Variants in CACHD1 observed in about 807,000 individuals in gnomAD.
CACHD1 encodes the protein cache domain containing 1, also known as VWFA and cache domain-containing protein 1.
CACHD1 carries 71 observed loss-of-function variants against 138.7 expected under a neutral mutation model. The observed-to-expected ratio is 0.51, with a 90% CI of 0.42 to 0.62. The LOEUF (loss-of-function observed/expected upper bound fraction) is 0.62. Among genes scored for constraint, CACHD1 ranks in the 20% least tolerant of loss-of-function variants. CACHD1 has a pLI of 0.00. For missense variants in CACHD1, 1,389 were observed against 1,625.3 expected (o/e 0.85, Z 2.50); for synonymous variants, 578 against 591.5 (o/e 0.98, Z 0.33).
intron 25 of CACHD1, 134 bp downstream of exon 25, chr1:64,681,469 T>C: frequency 1.7e-6 from 1 of 596,752 alleles, no homozygotes; most frequent in Non-Finnish European, 2.9e-6. Flanking sequence ...TTTTTAGTTG[T>C]TTTTTTCCAT....
At chr1:64,486,935 G>A (rs543306466) in intron 1 of CACHD1, among the ~76,000 whole-genome samples, 1 of 152,182 alleles carries the variant, frequency 6.6e-6, no homozygotes, top group African/African-American at 2.4e-5. Context: ...CTTCTTGGGG[G>A]TGCTGATATT....
chr1:64,641,740 C>G (rs1328940800), intron 7 of CACHD1, 80 bp from the exon 8 acceptor site: 32 of 1,159,450 alleles, frequency 2.8e-5, no homozygotes, highest in Non-Finnish European at 3.7e-5. Context: ...TGGGGAAGTC[C>G]AAGGACATGA....
chr1:64,491,380 G>T (rs2100298008), intron 1 of CACHD1, among the ~76,000 whole-genome samples: 1 of 152,042 alleles, frequency 6.6e-6, no homozygotes, highest in East Asian at 1.9e-4. Flanking sequence ...TCACAGTTCT[G>T]CATGGCTGGG....
chr1:64,688,678 C>A (rs1369832159), intron 26 of CACHD1, among the ~76,000 whole-genome samples: 7 of 152,064 alleles, frequency 4.6e-5, no homozygotes, highest in African/African-American at 1.4e-4. Context: ...CTGACCACTC[C>A]CACTGTCCAC....
intron 1 of CACHD1, among the ~76,000 whole-genome samples, chr1:64,512,937 A>G (rs1055129962): frequency 3.3e-5 from 5 of 152,162 alleles, no homozygotes; most frequent in Non-Finnish European, 5.9e-5. Context: ...GGATATTTTC[A>G]CACAAGTTCA....
chr1:64,535,081 T>C lies in CACHD1; in HGVS notation c.199-15513T>C, dbSNP rs1646620859. Among the ~76,000 whole-genome samples the C allele has an allele frequency of 2.0e-5, 3 of 152,322 alleles. No individual in the cohort carries two copies. The South Asian group carries it at 6.2e-4, about 32-fold the overall frequency. ...AAGTGCCCGTTCCTTCTTCTCTTTCTCCTGTCCTCTCAGGAAGCCCACTAA... is the reference window on the plus strand; with the variant it reads ...AAGTGCCCGTTCCTTCTTCTCTTTCCCCTGTCCTCTCAGGAAGCCCACTAA... On this transcript the variant is annotated intron_variant, in intron 1 of 26. Transcript: ENST00000651257.
intron 1 of CACHD1, among the ~76,000 whole-genome samples, chr1:64,546,682 T>G (rs533839249): frequency 4.6e-5 from 7 of 152,264 alleles, no homozygotes; most frequent in African/African-American, 1.7e-4. Flanking sequence ...CATTTCCATT[T>G]TCCAAGTCCT....
intron 4 of CACHD1, among the ~76,000 whole-genome samples, chr1:64,627,782 A>G (rs1164522199): frequency 2.0e-5 from 3 of 152,174 alleles, no homozygotes; most frequent in African/African-American, 4.8e-5. Context: ...CTTACCACCT[A>G]CTAGCTGTGG....
At chr1:64,630,490 G>A (rs547607078) in intron 5 of CACHD1, among the ~76,000 whole-genome samples, 3 of 152,104 alleles carry the variant, frequency 2.0e-5, no homozygotes, top group African/African-American at 4.8e-5. Context: ...TAGTAGAGAC[G>A]AAGTTTTGCC....
At position 64,532,327 on chromosome 1, in the gene CACHD1, G is replaced by GAAC. The variant is rs755702969; in HGVS notation, c.199-18252_199-18250dup. Among the ~76,000 whole-genome samples the GAAC allele has an allele frequency of 3.5e-4, 53 of 152,096 alleles. 1 individual carries two copies. Among genetic ancestry groups the GAAC allele is most frequent in the Admixed American group, 1.1e-3 (17 of 15,258 alleles). ...TGGTTCTAGGCACTGAGGACACTGG[G>GAAC]AACAACAACAACAACAAAAAGCCCT... On this transcript the variant is annotated intron_variant, in intron 1 of 26. Transcript: ENST00000651257.
intron 8 of CACHD1, among the ~76,000 whole-genome samples, chr1:64,643,354 T>G (rs1332335642): frequency 6.6e-6 from 1 of 152,226 alleles, no homozygotes; most frequent in Admixed American, 6.5e-5. Flanking sequence ...GGTTCTGATG[T>G]CTAGTGGTCC....
intron 1 of CACHD1, chr1:64,506,069 C>A (rs1356991881): frequency 6.6e-6 from 1 of 152,254 alleles, no homozygotes; most frequent in East Asian, 1.9e-4. Flanking sequence ...GGTAGCCCCA[C>A]GCAAAATCCG....
In CACHD1 at chr1:64,664,606, A is replaced by T; in HGVS notation, c.2203A>T (p.Thr735Ser). ...NTYIVRRYIA[T>S]PNGVLRIYPG... ...TTACATTGTCCGCCGTTACATAGCA[A>T]CACCCAATGGCGTCCTCAGAATTTA... The change falls in exon 15 of 27, where the codon ACA becomes TCA. Residue 735 changes from threonine (T) to serine (S), a missense_variant. Thr to Ser is a moderately conservative substitution (Grantham distance 58, BLOSUM62 1). This residue lies in a region of CACHD1 where 1,000 missense variants were observed against 1,114.7 expected (regional missense o/e 0.90). Transcript: ENST00000651257. 6.2e-7 allele frequency: 1 copy of T among 1,614,196 alleles called. No homozygotes were observed. Among genetic ancestry groups the T allele is most frequent in the Non-Finnish European group, 8.5e-7 (1 of 1,180,036 alleles).
intron 4 of CACHD1, among the ~76,000 whole-genome samples, chr1:64,627,154 C>T (rs1345018347): frequency 6.6e-6 from 1 of 152,144 alleles, no homozygotes; most frequent in Non-Finnish European, 1.5e-5. Flanking sequence ...TGCCTGTAAT[C>T]CTAGTACTTT....
intron 16 of CACHD1, among the ~76,000 whole-genome samples, chr1:64,671,298 C>T (rs1438262953): frequency 1.3e-5 from 2 of 152,120 alleles, no homozygotes; most frequent in Admixed American, 6.5e-5. Flanking sequence ...TCGAGCCACT[C>T]TCTGAACGTC....
chr1:64,571,684 A>C (rs1324055952), intron 2 of CACHD1, among the ~76,000 whole-genome samples: 1 of 152,178 alleles, frequency 6.6e-6, no homozygotes, highest in East Asian at 1.9e-4. Flanking sequence ...ATATTCTCTC[A>C]AAGAAGCCCT....
At chr1:64,500,710 T>C (rs1408755547) in intron 1 of CACHD1, among the ~76,000 whole-genome samples, 1 of 79,532 alleles carries the variant, frequency 1.3e-5, no homozygotes, top group Non-Finnish European at 2.5e-5. Context: ...AGCAAGACCT[T>C]GTCTCTTAAA....
intron 11 of CACHD1, among the ~76,000 whole-genome samples, chr1:64,654,324 A>G (rs1275466215): frequency 6.6e-6 from 1 of 152,186 alleles, no homozygotes; most frequent in Admixed American, 6.5e-5. Flanking sequence ...TTCTTCAAAT[A>G]AAAAACAGAT....
chr1:64,681,542 T>TTTTTTTTTTTTTG (rs1650183648), intron 25 of CACHD1, among the ~76,000 whole-genome samples: 2 of 56,054 alleles, frequency 3.6e-5, no homozygotes, highest in East Asian at 3.7e-3. Context: ...TTTTATTGTG[T>TTTTTTTTTTTTTG]TTTTTTTTTT....
Sources: gnomAD v4.1 joint callset for allele counts (sites outside exome capture counted in the v4.1 genomes callset) on GRCh38, gnomAD v4.1.1 for gene constraint, gnomAD v4.1.1 regional missense constraint, MANE v1.5 for transcripts, NCBI Gene and HGNC (gene_info 2026-07-23, HGNC 2026-07-21) for gene names.